Variants in DNAAF4 observed in about 807,000 individuals in gnomAD.
DNAAF4 encodes the protein dynein axonemal assembly factor 4, also known as dynein assembly factor 4, axonemal.
In DNAAF4, 43 loss-of-function variants were observed where a neutral mutation model predicts 51.8. The observed-to-expected ratio is 0.83, with a 90% CI of 0.65 to 1.07. The LOEUF is 1.07. Ranked by LOEUF, DNAAF4 falls within the 50% of genes least tolerant of loss-of-function variation. The pLI is 0.00. For synonymous variants in DNAAF4, 194 were observed against 165.6 expected (o/e 1.17, Z -1.32); for missense variants, 581 against 493.0 (o/e 1.18, Z -1.69).
In DNAAF4 at chr15:55,465,157, T is replaced by C. The variant is rs565605457; in HGVS notation, c.637+1773A>G. 2.4e-4 allele frequency among the ~76,000 whole-genome samples: 36 copies of C among 152,244 alleles called. No homozygotes were observed. The South Asian group carries it at 7.5e-3, about 32-fold the overall frequency. Reference sequence around the variant, plus strand: ...GACACTTTTACACTGCTGGTGGGAATGTAAACTAGTACAACTACTATGGAA... The same window carrying C: ...GACACTTTTACACTGCTGGTGGGAACGTAAACTAGTACAACTACTATGGAA... On this transcript the variant is annotated intron_variant, in intron 5 of 9. Transcript: ENST00000321149.
At chr15:55,423,947 G>A (rs553270058) in intron 7 of DNAAF4, among the ~76,000 whole-genome samples, 26 of 152,166 alleles carry the variant, frequency 1.7e-4, no homozygotes, top group East Asian at 1.5e-3. Context: ...AAAATTAGCC[G>A]GGCATGGTGG....
At chr15:55,433,889 TA>T (rs1354099984) in intron 8 of DNAAF4, among the ~76,000 whole-genome samples, 2 of 22,302 alleles carry the variant, frequency 9.0e-5, no homozygotes, top group African/African-American at 5.4e-4. Flanking sequence ...ATATATTATA[TA>T]TATATTATAT....
At chr15:55,420,309 A>G (rs1372010892) in intron 7 of DNAAF4, among the ~76,000 whole-genome samples, 5 of 151,818 alleles carry the variant, frequency 3.3e-5, no homozygotes, top group African/African-American at 4.9e-5. Flanking sequence ...GGCAGGTGAC[A>G]GGCTACACAA....
At chr15:55,483,622 C>T (rs2058441645) in intron 4 of DNAAF4, among the ~76,000 whole-genome samples, 1 of 151,862 alleles carries the variant, frequency 6.6e-6, no homozygotes. Flanking sequence ...CCCACTGCAA[C>T]CTCTGTCTTC....
intron 3 of DNAAF4, among the ~76,000 whole-genome samples, chr15:55,497,097 C>A (rs116283981): frequency 1.3e-5 from 2 of 152,126 alleles, no homozygotes; most frequent in African/African-American, 2.4e-5. Flanking sequence ...CTGTTCTAAG[C>A]GGCCTACATC....
At chr15:55,443,204 G>A (rs1567007123) in intron 6 of DNAAF4, 2 of 1,609,910 alleles carry the variant, frequency 1.2e-6, no homozygotes, top group Non-Finnish European at 1.7e-6. Context: ...TTCCAGCTGG[G>A]GTTGGGGACA....
intron 7 of DNAAF4, chr15:55,418,252 A>G: frequency 6.4e-7 from 1 of 1,558,350 alleles, no homozygotes; most frequent in Non-Finnish European, 8.7e-7. Context: ...CTTCAAATTC[A>G]GACACAGAAA....
At chr15:55,458,811 C>T (rs1343640325) in intron 5 of DNAAF4, among the ~76,000 whole-genome samples, 1 of 152,058 alleles carries the variant, frequency 6.6e-6, no homozygotes. Flanking sequence ...CAGTGGCCCA[C>T]ATCTGTAATC....
chr15:55,480,215 T>C (rs2058390111), intron 4 of DNAAF4, among the ~76,000 whole-genome samples: 1 of 152,172 alleles, frequency 6.6e-6, no homozygotes, highest in Non-Finnish European at 1.5e-5. Context: ...ATATGTGATG[T>C]CACCCCCGAT....
intron 4 of DNAAF4, among the ~76,000 whole-genome samples, chr15:55,489,764 C>A (rs117582265): frequency 6.6e-6 from 1 of 150,830 alleles, no homozygotes; most frequent in Non-Finnish European, 1.5e-5. Flanking sequence ...GAAAACAATG[C>A]TAGTTATGAA....
intron 1 of DNAAF4, among the ~76,000 whole-genome samples, chr15:55,500,812 G>C (rs1485055239): frequency 1.3e-5 from 2 of 151,852 alleles, no homozygotes; most frequent in South Asian, 2.1e-4. Flanking sequence ...GACGAACATA[G>C]AGAAAGCTCG....
chr15:55,496,900 A>G (rs2058648104), intron 3 of DNAAF4, among the ~76,000 whole-genome samples: 2 of 152,142 alleles, frequency 1.3e-5, no homozygotes, highest in South Asian at 2.1e-4. Context: ...CTAAAAACAG[A>G]TTTTCCAAAG....
intron 4 of DNAAF4, among the ~76,000 whole-genome samples, chr15:55,467,544 TACACACACAC>T (rs59329424): frequency 1.3e-5 from 2 of 150,184 alleles, no homozygotes; most frequent in Admixed American, 6.7e-5. Context: ...TCTCAAAATC[TACACACACAC>T]ACACACACAC....
At chr15:55,459,900 C>T (rs1278852700) in intron 5 of DNAAF4, among the ~76,000 whole-genome samples, 2 of 152,004 alleles carry the variant, frequency 1.3e-5, no homozygotes, top group Non-Finnish European at 2.9e-5. Flanking sequence ...GACAGAGTTT[C>T]ACCATGTTGG....
intron 4 of DNAAF4, among the ~76,000 whole-genome samples, chr15:55,477,182 T>C (rs992016902): frequency 1.3e-5 from 2 of 150,056 alleles, no homozygotes; most frequent in African/African-American, 4.9e-5. Flanking sequence ...AAAAAAAAAA[T>C]AAAAAAAGAA....
chr15:55,442,139 G>T (rs2057724543), intron 6 of DNAAF4, among the ~76,000 whole-genome samples: 1 of 152,094 alleles, frequency 6.6e-6, no homozygotes, highest in African/African-American at 2.4e-5. Flanking sequence ...TTTGTTTTGA[G>T]ATGGGTTCTC....
intron 4 of DNAAF4, among the ~76,000 whole-genome samples, chr15:55,469,786 G>A (rs923187196): frequency 6.0e-5 from 9 of 150,536 alleles, no homozygotes; most frequent in Admixed American, 3.3e-4. Flanking sequence ...CACTGCGCCC[G>A]GCCTATGCTT....
At chr15:55,458,503 T>A (rs997590692) in intron 5 of DNAAF4, among the ~76,000 whole-genome samples, 2 of 152,030 alleles carry the variant, frequency 1.3e-5, no homozygotes, top group African/African-American at 4.8e-5. Flanking sequence ...AAAAAAAGAA[T>A]TTTAAAAAAT....
intron 7 of DNAAF4, among the ~76,000 whole-genome samples, chr15:55,423,002 A>T (rs1319619258): frequency 6.6e-6 from 1 of 151,694 alleles, no homozygotes; most frequent in Non-Finnish European, 1.5e-5. Flanking sequence ...TCTCAAAAAT[A>T]AATAAATAAA....
Sources: gnomAD v4.1 joint callset for allele counts (sites outside exome capture counted in the v4.1 genomes callset) on GRCh38, gnomAD v4.1.1 for gene constraint, MANE v1.5 for transcripts, NCBI Gene and HGNC (gene_info 2026-07-23, HGNC 2026-07-21) for gene names.